Variants in NPAS3 observed in about 807,000 individuals in gnomAD.
NPAS3 encodes neuronal PAS domain-containing protein 3.
In NPAS3, 14 loss-of-function variants were observed where a neutral mutation model predicts 73.1. The observed-to-expected ratio is 0.19, with a 90% confidence interval of 0.13 to 0.30. The LOEUF is 0.30. Among genes scored for constraint, NPAS3 ranks in the 10% least tolerant of loss-of-function variants. The pLI, the probability that NPAS3 is intolerant of heterozygous loss-of-function variation, is 1.00. For synonymous variants in NPAS3, 620 were observed against 541.5 expected (o/e 1.14, Z -2.01); for missense variants, 1,096 against 1,250.0 (o/e 0.88, Z 1.86).
intron 7 of NPAS3, among the ~76,000 whole-genome samples, chr14:33,763,144 C>A (rs938847600): frequency 2.0e-5 from 3 of 152,204 alleles, no homozygotes; most frequent in Non-Finnish European, 4.4e-5. Context: ...GCCGAGTGGT[C>A]TCCATGGCCC....
At chr14:33,440,309 G>C (rs1173041454) in intron 4 of NPAS3, among the ~76,000 whole-genome samples, 1 of 152,036 alleles carries the variant, frequency 6.6e-6, no homozygotes, top group Non-Finnish European at 1.5e-5. Flanking sequence ...CTGAGATGGA[G>C]GACATCCCCA....
chr14:33,148,317 A>G (rs2044320404), intron 2 of NPAS3, among the ~76,000 whole-genome samples: 1 of 152,216 alleles, frequency 6.6e-6, no homozygotes, highest in Non-Finnish European at 1.5e-5. Flanking sequence ...GTATATAAAA[A>G]TATTACATCA....
chr14:33,503,568 C>A (rs1419744663), intron 4 of NPAS3, among the ~76,000 whole-genome samples: 2 of 151,680 alleles, frequency 1.3e-5, no homozygotes, highest in Non-Finnish European at 2.9e-5. Flanking sequence ...TGTGCTATTT[C>A]TTGCTTCTTT....
At chr14:33,594,251 A>G (rs2057164068) in intron 5 of NPAS3, among the ~76,000 whole-genome samples, 1 of 152,086 alleles carries the variant, frequency 6.6e-6, no homozygotes, top group African/African-American at 2.4e-5. Context: ...AATACCTAAC[A>G]CAATGTAATT....
chr14:33,217,442 C>T (rs1209261615), intron 3 of NPAS3, among the ~76,000 whole-genome samples: 1 of 151,948 alleles, frequency 6.6e-6, no homozygotes, highest in Non-Finnish European at 1.5e-5. Context: ...CCAGATCACA[C>T]AAGATGAAAG....
chr14:33,199,746 C>T (rs8012430), intron 2 of NPAS3, among the ~76,000 whole-genome samples: 30,905 of 147,638 alleles, frequency 0.21, 3,689 homozygotes, highest in South Asian at 0.38. Flanking sequence ...CCCTCCCTTC[C>T]TCCCCTCCTT....
chr14:33,753,268 T>G (rs2062016537), intron 7 of NPAS3, among the ~76,000 whole-genome samples: 1 of 151,756 alleles, frequency 6.6e-6, no homozygotes, highest in Non-Finnish European at 1.5e-5. Flanking sequence ...ATTGTTTTTC[T>G]GCAACAATAC....
chr14:33,063,647 T>C (rs1358819608), intron 2 of NPAS3, among the ~76,000 whole-genome samples: 1 of 152,180 alleles, frequency 6.6e-6, no homozygotes, highest in East Asian at 1.9e-4. Context: ...TATAAGAGCA[T>C]AGTTGATAGT....
At chr14:33,376,232 T>C (rs1010048300) in intron 4 of NPAS3, among the ~76,000 whole-genome samples, 3 of 152,142 alleles carry the variant, frequency 2.0e-5, no homozygotes, top group Non-Finnish European at 1.5e-5. Context: ...TTAGGCCATA[T>C]AAAAATCATA....
chr14:33,220,745 ACT>A (rs1346974176), intron 3 of NPAS3, among the ~76,000 whole-genome samples: 5 of 152,070 alleles, frequency 3.3e-5, no homozygotes. Flanking sequence ...TTATTATCTA[ACT>A]CAGCATGAAA....
intron 4 of NPAS3, among the ~76,000 whole-genome samples, chr14:33,462,919 T>C (rs1300080117): frequency 2.0e-5 from 3 of 152,224 alleles, no homozygotes; most frequent in African/African-American, 7.2e-5. Flanking sequence ...TTACATGTAA[T>C]ACATTTTAGA....
chr14:33,391,698 G>T (rs1031634331), intron 4 of NPAS3, among the ~76,000 whole-genome samples: 18 of 152,160 alleles, frequency 1.2e-4, no homozygotes, highest in African/African-American at 4.3e-4. Context: ...AAGTTTTTAT[G>T]ATCAGAAATA....
intron 6 of NPAS3, among the ~76,000 whole-genome samples, chr14:33,734,113 T>C (rs1471900636): frequency 1.3e-5 from 2 of 152,194 alleles, no homozygotes; most frequent in Non-Finnish European, 2.9e-5. Flanking sequence ...TTAAATCTCT[T>C]TATTACACAT....
intron 6 of NPAS3, 42 bp downstream of exon 6, chr14:33,676,427 C>A (rs1204754466): frequency 1.3e-6 from 2 of 1,502,972 alleles, no homozygotes; most frequent in Non-Finnish European, 1.8e-6. Flanking sequence ...TGGGCAGGAC[C>A]TTTGCCAAAT....
At chr14:33,534,273 G>C (rs1467991983) in intron 4 of NPAS3, among the ~76,000 whole-genome samples, 1 of 151,474 alleles carries the variant, frequency 6.6e-6, no homozygotes, top group East Asian at 1.9e-4. Context: ...ATGAACCATG[G>C]CATGCTGAAA....
At chr14:33,266,717 C>A (rs1193790033) in intron 3 of NPAS3, among the ~76,000 whole-genome samples, 2 of 152,138 alleles carry the variant, frequency 1.3e-5, no homozygotes, top group African/African-American at 4.8e-5. Context: ...CCCTTTATCT[C>A]TCCATCTGAT....
In NPAS3 at chr14:33,031,151, A is replaced by G. The variant is rs117047921; in HGVS notation, c.51-24754A>G. On this transcript the variant is annotated intron_variant, in intron 1 of 11. Coordinates refer to ENST00000356141, the Ensembl canonical transcript of NPAS3. ...AGGACAATTACTGATAAAATTACTC[A>G]CAGCATTTCAGCAGCAGACTGGTGT... 6.8e-3 allele frequency among the ~76,000 whole-genome samples: 1,039 copies of G among 152,310 alleles called. 17 individuals are homozygous for G. The highest frequency in any genetic ancestry group is 6.8e-3 in the Non-Finnish European group (462 of 68,022).
intron 6 of NPAS3, among the ~76,000 whole-genome samples, chr14:33,730,954 T>A (rs951933229): frequency 4.6e-5 from 7 of 152,326 alleles, no homozygotes; most frequent in African/African-American, 1.7e-4. Flanking sequence ...TGTGTTTAAC[T>A]TCATGTCTTA....
At chr14:33,693,521 A>T (rs955522485) in intron 6 of NPAS3, among the ~76,000 whole-genome samples, 4 of 152,218 alleles carry the variant, frequency 2.6e-5, no homozygotes, top group African/African-American at 9.6e-5. Context: ...CAATAGCAAC[A>T]AAACTCAGTC....
Sources: allele counts gnomAD v4.1 joint callset (sites outside exome capture counted in the v4.1 genomes callset), GRCh38; gene constraint gnomAD v4.1.1; transcripts MANE v1.5; gene names NCBI Gene and HGNC (gene_info 2026-07-23, HGNC 2026-07-21).